TMEM132C: variants seen among roughly 807,000 people sequenced by gnomAD.
TMEM132C encodes protein phosphatase 1, regulatory subunit 152.
In TMEM132C, 29 loss-of-function variants were observed where a neutral mutation model predicts 61.4. That is an observed-to-expected ratio of 0.47 (90% CI 0.35 to 0.64). TMEM132C has a LOEUF of 0.64. Ranked by LOEUF, TMEM132C falls within the 30% of genes least tolerant of loss-of-function variation. The pLI is 0.00. For missense variants in TMEM132C, 1,408 were observed against 1,476.9 expected, an observed-to-expected ratio of 0.95 and a Z score of 0.76; for synonymous variants, 656 against 633.1, an observed-to-expected ratio of 1.04 and a Z score of -0.54.
At chr12:128,444,034 CT>C (rs1329005034) in intron 2 of TMEM132C, among the ~76,000 whole-genome samples, 1 of 152,200 alleles carries the variant, frequency 6.6e-6, no homozygotes, top group East Asian at 1.9e-4. Flanking sequence ...AGTGATTCTC[CT>C]GCCTCAGCCT....
chr12:128,458,568 T>G (rs918911612), intron 2 of TMEM132C, among the ~76,000 whole-genome samples: 7 of 152,090 alleles, frequency 4.6e-5, no homozygotes, highest in Non-Finnish European at 8.8e-5. Flanking sequence ...ACCAGGCACC[T>G]TTCCCATCAT....
chr12:128,383,261 A>G (rs1053394548), intron 1 of TMEM132C, among the ~76,000 whole-genome samples: 8 of 152,142 alleles, frequency 5.3e-5, no homozygotes, highest in African/African-American at 1.7e-4. Context: ...ATATACGTGC[A>G]TGTCTGTGTA....
At position 128,705,632 on chromosome 12, in the gene TMEM132C, C is replaced by T. The variant is rs1954832797; in HGVS notation, c.2664C>T (p.Ile888=). 1 of 1,551,016 alleles carries T rather than the reference C, an allele frequency of 6.4e-7. No homozygotes were observed. The highest frequency in any genetic ancestry group is 8.7e-7 in the Non-Finnish European group (1 of 1,146,978). ...CAGGAGAGGGGCAGCTGCAGAACAT[C>T]CCCATTGACTTCACCAACTTCCCTG... ...RLAGEGQLQN[I]PIDFTNFPAH... is the part of the protein sequence containing the mutation. The change falls in exon 9 of 9, where the codon ATC becomes ATT. Residue 888 remains isoleucine (I), a synonymous_variant. Transcript: ENST00000435159.
At position 128,597,311 on chromosome 12, in the gene TMEM132C, C is replaced by T. The variant is rs113598728; in HGVS notation, c.1122-18841C>T. On this transcript the variant is annotated intron_variant, in intron 3 of 8. Coordinates refer to ENST00000435159, the MANE Select transcript of TMEM132C (RefSeq NM_001136103.3). ...CCTGGCCAACATGGTGAAACCCCAT[C>T]TCTACTAAAAAAAAAAATTAACCGG... Among the ~76,000 whole-genome samples the T allele has an allele frequency of 3.3e-3, 504 of 151,896 alleles. 3 individuals carry two copies. The highest frequency in any genetic ancestry group is 0.011 in the African/African-American group (468 of 41,374).
At chr12:128,403,358 T>C (rs1487868937) in intron 1 of TMEM132C, among the ~76,000 whole-genome samples, 1 of 152,146 alleles carries the variant, frequency 6.6e-6, no homozygotes, top group Non-Finnish European at 1.5e-5. Flanking sequence ...TCTGATATCA[T>C]ATGAGTAAAC....
intron 5 of TMEM132C, among the ~76,000 whole-genome samples, chr12:128,677,568 A>C (rs1373337952): frequency 1.3e-5 from 2 of 151,946 alleles, no homozygotes; most frequent in South Asian, 4.1e-4. Context: ...ACCTGGCTGT[A>C]CCTCCTATTT....
intron 3 of TMEM132C, among the ~76,000 whole-genome samples, chr12:128,548,217 T>G (rs1874031169): frequency 6.6e-6 from 1 of 152,202 alleles, no homozygotes; most frequent in Non-Finnish European, 1.5e-5. Flanking sequence ...CTTGAAAATA[T>G]ATGGTGTGTG....
At chr12:128,391,643 C>T (rs574680645) in intron 1 of TMEM132C, among the ~76,000 whole-genome samples, 147 of 152,296 alleles carry the variant, frequency 9.7e-4, no homozygotes, top group Admixed American at 2.9e-3. Flanking sequence ...CATGAACCAG[C>T]CTTAGGAGGT....
intron 3 of TMEM132C, among the ~76,000 whole-genome samples, chr12:128,576,005 G>C (rs1229165563): frequency 6.6e-6 from 1 of 152,168 alleles, no homozygotes; most frequent in Non-Finnish European, 1.5e-5. Context: ...AAAAGTGAAT[G>C]GCACTTTGGG....
intron 3 of TMEM132C, among the ~76,000 whole-genome samples, chr12:128,611,473 C>T (rs550777032): frequency 5.3e-5 from 8 of 152,122 alleles, no homozygotes; most frequent in South Asian, 2.1e-4. Context: ...ATGTCTGGGG[C>T]GGGAGCGGGG....
chr12:128,280,659 T>G (rs1269935138), intron 1 of TMEM132C, among the ~76,000 whole-genome samples: 2 of 152,194 alleles, frequency 1.3e-5, no homozygotes, highest in African/African-American at 4.8e-5. Flanking sequence ...AATTATAACA[T>G]TAGAATTTGT....
At chr12:128,397,160 G>T (rs1336409521) in intron 1 of TMEM132C, among the ~76,000 whole-genome samples, 1 of 152,144 alleles carries the variant, frequency 6.6e-6, no homozygotes, top group Non-Finnish European at 1.5e-5. Context: ...TTGGGCTCAG[G>T]ACATCTCTCT....
intron 2 of TMEM132C, among the ~76,000 whole-genome samples, chr12:128,431,550 CTTTTTT>C (rs386378189): frequency 1.0e-5 from 1 of 98,906 alleles, no homozygotes; most frequent in South Asian, 4.3e-4. Context: ...CCATCTAGGA[CTTTTTT>C]TTTTTTTTTT....
At chr12:128,557,110 TC>T (rs1238273664) in intron 3 of TMEM132C, among the ~76,000 whole-genome samples, 2 of 152,026 alleles carry the variant, frequency 1.3e-5, no homozygotes, top group South Asian at 4.2e-4. Flanking sequence ...CCCCTTCTTC[TC>T]CCCCAACAAG....
At chr12:128,599,287 A>G (rs919169268) in intron 3 of TMEM132C, among the ~76,000 whole-genome samples, 2 of 152,358 alleles carry the variant, frequency 1.3e-5, no homozygotes, top group South Asian at 2.1e-4. Context: ...CTTTATAACC[A>G]GAATTAAATC....
chr12:128,287,031 A>G (rs1871097759), intron 1 of TMEM132C, among the ~76,000 whole-genome samples: 1 of 152,204 alleles, frequency 6.6e-6, no homozygotes, highest in Non-Finnish European at 1.5e-5. Flanking sequence ...ACTTGTGATC[A>G]TGTCTGTGAG....
intron 4 of TMEM132C, among the ~76,000 whole-genome samples, chr12:128,622,395 A>C: frequency 7.7e-6 from 1 of 129,394 alleles, no homozygotes; most frequent in Non-Finnish European, 1.6e-5. Flanking sequence ...ATATATATAT[A>C]TATATAACCA....
chr12:128,411,755 C>T (rs1167935729), intron 1 of TMEM132C, among the ~76,000 whole-genome samples: 1 of 152,296 alleles, frequency 6.6e-6, no homozygotes, highest in East Asian at 1.9e-4. Context: ...TGTACATACA[C>T]ATGCACACAT....
chr12:128,532,907 C>T (rs1873370138), intron 2 of TMEM132C, among the ~76,000 whole-genome samples: 1 of 152,176 alleles, frequency 6.6e-6, no homozygotes, highest in African/African-American at 2.4e-5. Flanking sequence ...TTGATATACA[C>T]ACCCTGATCC....
Sources: gnomAD v4.1 joint callset for allele counts (sites outside exome capture counted in the v4.1 genomes callset) on GRCh38, gnomAD v4.1.1 for gene constraint, MANE v1.5 for transcripts, NCBI Gene and HGNC (gene_info 2026-07-23, HGNC 2026-07-21) for gene names.